Variants in PITPNA observed in about 807,000 individuals in gnomAD.
PITPNA encodes phosphatidylinositol transfer protein alpha isoform.
A neutral mutation model predicts 50.3 loss-of-function variants in PITPNA; 13 were observed. The ratio of observed to expected loss-of-function variants is 0.26; its 90% CI spans 0.17 to 0.41. The LOEUF is 0.41. Ranked by LOEUF, PITPNA falls within the 10% of genes least tolerant of loss-of-function variation. PITPNA has a pLI of 1.00. For missense variants in PITPNA, 207 were observed against 333.4 expected, an observed-to-expected ratio of 0.62 and a Z score of 2.95; for synonymous variants, 120 against 119.6, an observed-to-expected ratio of 1.00 and a Z score of -0.02.
intron 4 of PITPNA, among the ~76,000 whole-genome samples, chr17:1,546,846 TCTTTC>T (rs763402819): frequency 6.6e-6 from 1 of 152,200 alleles, no homozygotes; most frequent in Non-Finnish European, 1.5e-5. Flanking sequence ...GAGGTTCAAA[TCTTTC>T]CTTTCCTTTC....
rs2075771033 is a variant in PITPNA, at chr17:1,562,026, G to A, written c.20+515C>T. Among the ~76,000 whole-genome samples, 1 of 151,898 alleles carries A rather than the reference G, an allele frequency of 6.6e-6. No individual in the cohort carries two copies. ...CAGTCCCGGCTGAGCCCGCGCCCTC[G>A]GCCCGCGCAGAGCGACCCCACAGCA... On this transcript the variant is annotated intron_variant, in intron 1 of 11. Transcript: ENST00000313486. The surrounding 1 kb of genome is among the most constrained non-coding windows in gnomAD (Gnocchi z 6.4).
At chr17:1,552,755 C>A (rs148992567) in intron 3 of PITPNA, among the ~76,000 whole-genome samples, 5 of 152,096 alleles carry the variant, frequency 3.3e-5, no homozygotes, top group African/African-American at 1.2e-4. Flanking sequence ...GAATCCTACA[C>A]GGACTTCAGA....
At chr17:1,536,938 G>A (rs1321858191) in intron 7 of PITPNA, among the ~76,000 whole-genome samples, 2 of 135,372 alleles carry the variant, frequency 1.5e-5, no homozygotes, top group Admixed American at 8.2e-5. Context: ...TCGCTCTGTC[G>A]CCCAGGATGA....
chr17:1,529,451 G>A (rs2075568392), intron 10 of PITPNA, among the ~76,000 whole-genome samples: 1 of 152,000 alleles, frequency 6.6e-6, no homozygotes. Context: ...GAACCTGGGA[G>A]GTGGAGGTTG....
intron 3 of PITPNA, among the ~76,000 whole-genome samples, chr17:1,551,537 T>C (rs2075709271): frequency 6.6e-6 from 1 of 152,110 alleles, no homozygotes; most frequent in South Asian, 2.1e-4. Flanking sequence ...AAGTGATCCA[T>C]CCGTCTCGGC....
chr17:1,553,270 C>T, intron 2 of PITPNA, 121 bp from the exon 3 acceptor site: 1 of 1,120,626 alleles, frequency 8.9e-7, no homozygotes, highest in Non-Finnish European at 1.3e-6. Flanking sequence ...GGAGCTGGTT[C>T]TGGAGTTTCA....
intron 2 of PITPNA, among the ~76,000 whole-genome samples, chr17:1,557,508 T>G (rs945984081): frequency 6.6e-6 from 1 of 151,090 alleles, no homozygotes; most frequent in African/African-American, 2.4e-5. Context: ...TGGGGCGGGG[T>G]GGGGCTGTGA....
intron 2 of PITPNA, among the ~76,000 whole-genome samples, chr17:1,557,429 C>T (rs534129831): frequency 2.8e-4 from 42 of 152,268 alleles, no homozygotes; most frequent in African/African-American, 8.9e-4. Context: ...GAAAGAGAGA[C>T]GGAGCCCAGT....
rs185542527 is a variant in PITPNA at position 1,544,326 on chromosome 17, T to C, written c.290-1299A>G. Among the ~76,000 whole-genome samples, 60 of 152,378 alleles carry C rather than the reference T, an allele frequency of 3.9e-4. 1 individual carries two copies. Among genetic ancestry groups the C allele is most frequent in the Admixed American group, 7.8e-4 (12 of 15,308 alleles). The stretch of plus-strand genomic sequence containing the variant: ...CCGTTTCGGTAGCAATTCTGCGTTT[T>C]AGTGTAACTTCATAGACTGGCGCTG... On this transcript the variant is annotated intron_variant, in intron 4 of 11. Transcript: ENST00000313486.
chr17:1,550,722 G>T (rs1347602390), intron 3 of PITPNA, among the ~76,000 whole-genome samples: 7 of 152,126 alleles, frequency 4.6e-5, no homozygotes, highest in Non-Finnish European at 7.4e-5. Context: ...TAGAGACAGG[G>T]TCTTGCTATG....
At chr17:1,522,899 A>G (rs1195870667) in intron 10 of PITPNA, among the ~76,000 whole-genome samples, 2 of 152,232 alleles carry the variant, frequency 1.3e-5, no homozygotes, top group African/African-American at 4.8e-5. Context: ...GAGGTTTGAG[A>G]TGAAACCTGA....
chr17:1,540,809 T>C (rs1033382859), intron 6 of PITPNA, among the ~76,000 whole-genome samples: 2 of 152,114 alleles, frequency 1.3e-5, no homozygotes, highest in Admixed American at 6.5e-5. Context: ...ATGGTCTCGA[T>C]CTCCTGACCT....
chr17:1,555,142 T>C (rs1445073051), intron 2 of PITPNA, among the ~76,000 whole-genome samples: 2 of 151,924 alleles, frequency 1.3e-5, no homozygotes, highest in Non-Finnish European at 2.9e-5. Context: ...GGGGGCGAGG[T>C]TCCCAGCTAG....
At chr17:1,524,957 G>A (rs985146869) in intron 10 of PITPNA, among the ~76,000 whole-genome samples, 1 of 152,006 alleles carries the variant, frequency 6.6e-6, no homozygotes, top group Non-Finnish European at 1.5e-5. Context: ...TACTGGAGAC[G>A]CGGTTCCAAA....
rs543615138 is a variant in PITPNA, at chr17:1,541,245, G to A, written c.372+321C>T. On this transcript the variant is annotated intron_variant, in intron 6 of 11. Transcript: ENST00000313486. ...GGCATGGAAATGCTAAAGGATAGGTGTATTTTATTTTTTGGGAGTTACTGC... is the reference window on the plus strand; with the variant it reads ...GGCATGGAAATGCTAAAGGATAGGTATATTTTATTTTTTGGGAGTTACTGC... 2.0e-5 allele frequency among the ~76,000 whole-genome samples: 3 copies of A among 152,310 alleles called. No homozygotes were observed. In the East Asian group the frequency reaches 5.8e-4, roughly 29 times the overall value.
rs1362060718 is a variant in PITPNA, at chr17:1,548,401, A to T, written c.198-14T>A. On this transcript the variant is annotated splice_polypyrimidine_tract_variant and intron_variant, in intron 3 of 11. Coordinates refer to ENST00000313486, the MANE Select transcript of PITPNA (RefSeq NM_006224.4). ...GTGGGTACTTTGCTATAGCGGGGAA[A>T]AAAAGGGGTATAAAGAGAAATGGTA... The T allele has an allele frequency of 3.2e-6, 5 of 1,558,740 alleles. No individual in the cohort carries two copies. The highest frequency in any genetic ancestry group is 4.4e-6 in the Non-Finnish European group (5 of 1,141,054).
chr17:1,549,290 G>A (rs1329163536), intron 3 of PITPNA, among the ~76,000 whole-genome samples: 2 of 142,918 alleles, frequency 1.4e-5, no homozygotes. Context: ...TGGTAGGTGT[G>A]TGGTTTGACG....
At chr17:1,536,094 A>G (rs1045333301) in intron 7 of PITPNA, among the ~76,000 whole-genome samples, 12 of 152,138 alleles carry the variant, frequency 7.9e-5, no homozygotes, top group Non-Finnish European at 1.8e-4. Flanking sequence ...GGTGAGTCTC[A>G]CTTCACAGAT....
At chr17:1,538,684 A>G (rs1050738696) in intron 7 of PITPNA, 185 bp downstream of exon 7, 7 of 516,500 alleles carry the variant, frequency 1.4e-5, no homozygotes, top group Non-Finnish European at 2.4e-5. Context: ...TTGGGCCACT[A>G]ATTTTCTGGT....
Sources: gnomAD v4.1 joint callset for allele counts (sites outside exome capture counted in the v4.1 genomes callset) on GRCh38, gnomAD v4.1.1 for gene constraint, Gnocchi (gnomAD v3.1) non-coding constraint, MANE v1.5 for transcripts, NCBI Gene and HGNC (gene_info 2026-07-23, HGNC 2026-07-21) for gene names.